Variants in ANKS1B observed in about 807,000 individuals in gnomAD.
ANKS1B encodes ankyrin repeat and sterile alpha motif domain-containing protein 1B.
A neutral mutation model predicts 148.3 loss-of-function variants in ANKS1B; 36 were observed. The ratio of observed to expected loss-of-function variants is 0.24; its 90% CI spans 0.19 to 0.32. ANKS1B has a LOEUF of 0.32. Ranked by LOEUF, ANKS1B falls within the 10% of genes least tolerant of loss-of-function variation. The probability of loss-of-function intolerance (pLI) is 1.00; values close to 1 mark genes in which losing one functional copy is unlikely to be tolerated. For synonymous variants in ANKS1B, 542 were observed against 560.8 expected (o/e 0.97, Z 0.47); for missense variants, 1,157 against 1,542.6 (o/e 0.75, Z 4.19).
At chr12:99,699,110 A>C (rs2054398090) in intron 8 of ANKS1B, among the ~76,000 whole-genome samples, 1 of 152,196 alleles carries the variant, frequency 6.6e-6, no homozygotes, top group Non-Finnish European at 1.5e-5. Context: ...TGTGCCAGTG[A>C]GTCTCCCAAG....
chr12:98,951,190 T>C (rs1387680149), intron 17 of ANKS1B, among the ~76,000 whole-genome samples: 1 of 152,228 alleles, frequency 6.6e-6, no homozygotes, highest in African/African-American at 2.4e-5. Flanking sequence ...CACAGCTTTT[T>C]ATCCTGGCCA....
At chr12:99,871,802 G>C (rs1471147781) in intron 1 of ANKS1B, among the ~76,000 whole-genome samples, 3 of 152,054 alleles carry the variant, frequency 2.0e-5, no homozygotes, top group Non-Finnish European at 2.9e-5. Flanking sequence ...ATTAATTCCA[G>C]GAGCCTTGGT....
At position 99,413,681 on chromosome 12, in the gene ANKS1B, A is replaced by G. The variant is rs374322504; in HGVS notation, c.1576-13870T>C. 4.8e-4 allele frequency among the ~76,000 whole-genome samples: 73 copies of G among 152,310 alleles called. 1 individual carries two copies. The South Asian group carries it at 0.014, about 29-fold the overall frequency. On this transcript the variant is annotated intron_variant, in intron 11 of 26. Coordinates refer to ENST00000683438, the MANE Select transcript of ANKS1B (RefSeq NM_001352186.2). ...TCTCCTGACTTTAGCTCTTCATTTCATTTTTATATAGAGGTATCTGACTAT... is the reference window on the plus strand; with the variant it reads ...TCTCCTGACTTTAGCTCTTCATTTCGTTTTTATATAGAGGTATCTGACTAT...
intron 14 of ANKS1B, among the ~76,000 whole-genome samples, chr12:99,204,369 A>G (rs1012494787): frequency 2.0e-4 from 30 of 152,224 alleles, no homozygotes; most frequent in African/African-American, 6.8e-4. Context: ...TGGGAAACCA[A>G]ATTACTTTGC....
At chr12:99,216,554 G>A (rs893249307) in intron 14 of ANKS1B, among the ~76,000 whole-genome samples, 5 of 152,038 alleles carry the variant, frequency 3.3e-5, no homozygotes, top group Non-Finnish European at 7.4e-5. Flanking sequence ...AGTATATAAA[G>A]TAGCATGTAT....
chr12:99,784,452 G>A (rs1314349759), intron 4 of ANKS1B, among the ~76,000 whole-genome samples: 7 of 152,140 alleles, frequency 4.6e-5, no homozygotes, highest in Non-Finnish European at 7.4e-5. Context: ...GATTACAGGC[G>A]TGAGCCACCG....
intron 9 of ANKS1B, among the ~76,000 whole-genome samples, chr12:99,570,600 T>C (rs1314700000): frequency 6.6e-6 from 1 of 150,718 alleles, no homozygotes; most frequent in African/African-American, 2.4e-5. Context: ...TGAGCTAAGA[T>C]TGGCCACTGC....
At chr12:99,709,042 T>G (rs537545686) in intron 8 of ANKS1B, among the ~76,000 whole-genome samples, 1 of 152,254 alleles carries the variant, frequency 6.6e-6, no homozygotes, top group East Asian at 1.9e-4. Context: ...CTGGGAAATT[T>G]TTGAGCCATT....
At chr12:99,250,943 G>C (rs2074505990) in intron 12 of ANKS1B, among the ~76,000 whole-genome samples, 1 of 152,148 alleles carries the variant, frequency 6.6e-6, no homozygotes, top group African/African-American at 2.4e-5. Flanking sequence ...AGGCTGAGTA[G>C]TCCAAGATCA....
intron 10 of ANKS1B, among the ~76,000 whole-genome samples, chr12:99,444,760 C>A (rs978108841): frequency 2.0e-5 from 3 of 151,858 alleles, no homozygotes; most frequent in East Asian, 3.9e-4. Flanking sequence ...TTAATTAGTT[C>A]CCAATAATTT....
rs1487412560 is a variant in ANKS1B, at chr12:99,463,597, C to T, written c.1439-19788G>A. ...AGGTCACTCCCACCCTAATACTGCGCTTTTCCGACAGGCTTAAAAAACGGT... is the reference window on the plus strand; with the variant it reads ...AGGTCACTCCCACCCTAATACTGCGTTTTTCCGACAGGCTTAAAAAACGGT... On this transcript the variant is annotated intron_variant, in intron 10 of 26. Transcript: ENST00000683438. Among the ~76,000 whole-genome samples, 3 of 152,340 alleles carry T rather than the reference C, an allele frequency of 2.0e-5. No individual in the cohort carries two copies. The South Asian group carries it at 6.2e-4, about 32-fold the overall frequency.
At chr12:99,263,841 G>GT (rs2076170564) in intron 12 of ANKS1B, among the ~76,000 whole-genome samples, 1 of 152,156 alleles carries the variant, frequency 6.6e-6, no homozygotes, top group South Asian at 2.1e-4. Flanking sequence ...CACGTGAAAC[G>GT]TGAGTCAACT....
intron 16 of ANKS1B, among the ~76,000 whole-genome samples, chr12:99,054,506 C>T (rs1435773828): frequency 1.3e-5 from 2 of 152,092 alleles, no homozygotes; most frequent in East Asian, 3.9e-4. Context: ...GCTCCCCATT[C>T]TAGTTTCCAT....
At chr12:99,047,595 A>T (rs1057348404) in intron 17 of ANKS1B, among the ~76,000 whole-genome samples, 5 of 152,198 alleles carry the variant, frequency 3.3e-5, no homozygotes, top group African/African-American at 1.2e-4. Flanking sequence ...GGGGGAAAAA[A>T]ACTGACCCAT....
chr12:99,408,594 T>C (rs191331722), intron 11 of ANKS1B, among the ~76,000 whole-genome samples: 1 of 145,044 alleles, frequency 6.9e-6, no homozygotes, highest in African/African-American at 2.6e-5. Flanking sequence ...TTACAAGCTA[T>C]CCATCTGACA....
intron 17 of ANKS1B, among the ~76,000 whole-genome samples, chr12:98,837,789 T>C (rs1206830887): frequency 6.6e-6 from 1 of 152,178 alleles, no homozygotes; most frequent in East Asian, 1.9e-4. Flanking sequence ...ATTAAACATG[T>C]TTAAATTTAT....
chr12:98,860,458 C>T (rs777439747), intron 17 of ANKS1B, among the ~76,000 whole-genome samples: 3 of 152,158 alleles, frequency 2.0e-5, no homozygotes, highest in Non-Finnish European at 4.4e-5. Context: ...GATAGACAAG[C>T]ACACTACAGC....
At chr12:99,752,662 T>C (rs1477434825) in intron 8 of ANKS1B, among the ~76,000 whole-genome samples, 1 of 152,034 alleles carries the variant, frequency 6.6e-6, no homozygotes, top group Non-Finnish European at 1.5e-5. Context: ...TATTGGTAAG[T>C]AATAATATTT....
At chr12:99,713,801 G>A (rs1011487496) in intron 8 of ANKS1B, among the ~76,000 whole-genome samples, 1 of 152,114 alleles carries the variant, frequency 6.6e-6, no homozygotes, top group Non-Finnish European at 1.5e-5. Flanking sequence ...TCTGTTCACA[G>A]AAATCTAGGC....
Sources: gnomAD v4.1 joint callset for allele counts (sites outside exome capture counted in the v4.1 genomes callset) on GRCh38, gnomAD v4.1.1 for gene constraint, MANE v1.5 for transcripts, NCBI Gene and HGNC (gene_info 2026-07-23, HGNC 2026-07-21) for gene names.